The following MACROD2 variants were observed in gnomAD, a reference collection of about 807,000 sequenced individuals.
MACROD2 encodes the protein mono-ADP ribosylhydrolase 2, also known as ADP-ribose glycohydrolase MACROD2.
In MACROD2, 36 loss-of-function variants were observed where a neutral mutation model predicts 70.4. That is an observed-to-expected ratio of 0.51 (90% CI 0.39 to 0.68). The LOEUF (loss-of-function observed/expected upper bound fraction) is 0.68. MACROD2 is among the 30% of genes least tolerant of loss of function. MACROD2 has a pLI of 0.00. For missense variants in MACROD2, 496 were observed against 538.4 expected (o/e 0.92, Z 0.78); for synonymous variants, 172 against 178.8 (o/e 0.96, Z 0.30).
intron 2 of MACROD2, among the ~76,000 whole-genome samples, chr20:14,022,379 G>A (rs1007280790): frequency 6.6e-6 from 1 of 150,562 alleles, no homozygotes; most frequent in Non-Finnish European, 1.5e-5. Context: ...TACGTTGAAA[G>A]TATAAGTGAA....
At position 15,904,869 on chromosome 20, in the gene MACROD2, A is replaced by AGG. The variant is rs555215058; in HGVS notation, c.775+19059_775+19060insGG. Among the ~76,000 whole-genome samples, 54 of 139,962 alleles carry AGG rather than the reference A, an allele frequency of 3.9e-4. No individual in the cohort carries two copies. The East Asian group carries it at 0.011, about 28-fold the overall frequency. The allele number at this position is 139,962 out of a possible 152,430, so 91.8% of individuals were successfully genotyped here. On this transcript the variant is annotated intron_variant, in intron 10 of 17. Coordinates refer to ENST00000684519, the MANE Select transcript of MACROD2 (RefSeq NM_001351661.2). Reference sequence around the variant, plus strand: ...GCACTCCAGCCTGCGCGAAAGAGAGAGACTCTGTCTCAAAAAAAAAAAAAA... The same window carrying AGG: ...GCACTCCAGCCTGCGCGAAAGAGAGAGGGACTCTGTCTCAAAAAAAAAAAAAA...
intron 6 of MACROD2, among the ~76,000 whole-genome samples, chr20:15,310,139 T>C (rs1243689985): frequency 1.3e-5 from 2 of 152,220 alleles, no homozygotes; most frequent in Non-Finnish European, 2.9e-5. Context: ...CTCAGGGTTG[T>C]TGTACAGATT....
At chr20:16,044,998 G>T (rs2067360381) in intron 17 of MACROD2, among the ~76,000 whole-genome samples, 1 of 152,154 alleles carries the variant, frequency 6.6e-6, no homozygotes, top group Non-Finnish European at 1.5e-5. Flanking sequence ...GAAGCTACCT[G>T]CTGAGTTGCT....
At position 14,183,576 on chromosome 20, in the gene MACROD2, T is replaced by C. The variant is rs562342432; in HGVS notation, c.271+97848T>C. 1.2e-3 allele frequency among the ~76,000 whole-genome samples: 180 copies of C among 152,280 alleles called. 1 individual carries two copies. Among genetic ancestry groups the C allele is most frequent in the African/African-American group, 4.0e-3 (168 of 41,580 alleles). On this transcript the variant is annotated intron_variant, in intron 3 of 17. Coordinates refer to ENST00000684519, the MANE Select transcript of MACROD2 (RefSeq NM_001351661.2). Reference sequence around the variant, plus strand: ...TGGGATTGCTGGGTTGAATGGTAGTTCTGTCTTTAGGTCTTGGAGCAATCA... The same window carrying C: ...TGGGATTGCTGGGTTGAATGGTAGTCCTGTCTTTAGGTCTTGGAGCAATCA...
At chr20:15,703,945 A>G (rs1379422331) in intron 8 of MACROD2, among the ~76,000 whole-genome samples, 1 of 152,186 alleles carries the variant, frequency 6.6e-6, no homozygotes, top group Non-Finnish European at 1.5e-5. Context: ...AGCCCCAGAA[A>G]TCACACTCTA....
At chr20:14,747,252 A>C (rs1278428699) in intron 5 of MACROD2, among the ~76,000 whole-genome samples, 1 of 152,206 alleles carries the variant, frequency 6.6e-6, no homozygotes, top group Non-Finnish European at 1.5e-5. Context: ...AACACAGCCC[A>C]GCCATAAACC....
chr20:15,131,125 C>T (rs571755574), intron 5 of MACROD2, among the ~76,000 whole-genome samples: 2 of 152,138 alleles, frequency 1.3e-5, no homozygotes, highest in Admixed American at 6.6e-5. Context: ...AGAATTGACC[C>T]GTATTCTAAT....
intron 17 of MACROD2, among the ~76,000 whole-genome samples, chr20:16,047,137 A>G (rs1189857976): frequency 1.3e-5 from 2 of 152,208 alleles, no homozygotes; most frequent in African/African-American, 2.4e-5. Context: ...GGCAGAATGA[A>G]TGATTTGTGC....
chr20:14,761,845 G>C (rs2072019875), intron 5 of MACROD2, among the ~76,000 whole-genome samples: 1 of 152,126 alleles, frequency 6.6e-6, no homozygotes, highest in African/African-American at 2.4e-5. Flanking sequence ...ATCTGCAGGT[G>C]CTCAGCCTAT....
intron 8 of MACROD2, among the ~76,000 whole-genome samples, chr20:15,700,662 G>T (rs1351750386): frequency 6.6e-6 from 1 of 152,096 alleles, no homozygotes; most frequent in Admixed American, 6.6e-5. Context: ...CCTCAATTTT[G>T]TTGTCTTTTA....
rs34642807 is a variant in MACROD2, at chr20:15,509,113, A to T, written c.645+9266A>T. ...CCTGTGCTATGTTGAACCACTGTTT[A>T]TGATGAGAATATTTTACATCCTTCA... On this transcript the variant is annotated intron_variant, in intron 8 of 17. Transcript: ENST00000684519. 4.6e-3 allele frequency among the ~76,000 whole-genome samples: 705 copies of T among 152,350 alleles called. 1 individual carries two copies. Among genetic ancestry groups the T allele is most frequent in the South Asian group, 0.012 (59 of 4,830 alleles).
At chr20:15,812,788 A>G (rs531345627) in intron 8 of MACROD2, among the ~76,000 whole-genome samples, 15 of 152,328 alleles carry the variant, frequency 9.8e-5, no homozygotes, top group African/African-American at 3.1e-4. Flanking sequence ...CTTCAACGTT[A>G]GAAGGACAAA....
intron 8 of MACROD2, among the ~76,000 whole-genome samples, chr20:15,821,016 G>A (rs984462872): frequency 6.6e-6 from 1 of 151,990 alleles, no homozygotes; most frequent in Non-Finnish European, 1.5e-5. Flanking sequence ...AGACATGTGT[G>A]CCATCAAATA....
chr20:14,239,797 A>G (rs995739434), intron 3 of MACROD2, among the ~76,000 whole-genome samples: 5 of 152,236 alleles, frequency 3.3e-5, no homozygotes, highest in Non-Finnish European at 7.3e-5. Flanking sequence ...GTAGATGCCA[A>G]AAGCGGTTGC....
chr20:14,488,525 G>A (rs977032210), intron 3 of MACROD2, among the ~76,000 whole-genome samples: 1 of 152,180 alleles, frequency 6.6e-6, no homozygotes, highest in African/African-American at 2.4e-5. Context: ...GCAACATTCA[G>A]TAGGCTCCAT....
intron 5 of MACROD2, among the ~76,000 whole-genome samples, chr20:14,780,477 G>A (rs576267215): frequency 3.3e-5 from 5 of 150,640 alleles, no homozygotes; most frequent in Admixed American, 3.3e-4. Context: ...CAGGAGAATC[G>A]CTTGAACCTG....
intron 5 of MACROD2, among the ~76,000 whole-genome samples, chr20:15,138,232 G>A (rs952756640): frequency 1.3e-5 from 2 of 152,078 alleles, no homozygotes; most frequent in Non-Finnish European, 2.9e-5. Context: ...ACCCCCACAA[G>A]AATTGAAATA....
intron 8 of MACROD2, among the ~76,000 whole-genome samples, chr20:15,836,661 A>T (rs2064117374): frequency 6.6e-6 from 1 of 152,228 alleles, no homozygotes; most frequent in African/African-American, 2.4e-5. Context: ...CTTTCAAAGC[A>T]TAAATGATGT....
chr20:15,203,069 G>A (rs1185105152), intron 5 of MACROD2, among the ~76,000 whole-genome samples: 1 of 152,120 alleles, frequency 6.6e-6, no homozygotes, highest in African/African-American at 2.4e-5. Flanking sequence ...ATATTGGGAT[G>A]GGAACTTGTT....
Sources: allele counts gnomAD v4.1 joint callset (sites outside exome capture counted in the v4.1 genomes callset), GRCh38; gene constraint gnomAD v4.1.1; transcripts MANE v1.5; gene names NCBI Gene and HGNC (gene_info 2026-07-23, HGNC 2026-07-21).